The following SIGLEC7 variants were observed in gnomAD, a reference collection of about 807,000 sequenced individuals.
SIGLEC7 encodes sialic acid binding Ig like lectin 7.
A neutral mutation model predicts 40.8 loss-of-function variants in SIGLEC7; 33 were observed. That is an observed-to-expected ratio of 0.81 (90% confidence interval 0.61 to 1.08). SIGLEC7 has a LOEUF of 1.08. Ranked by LOEUF, SIGLEC7 falls within the 50% of genes least tolerant of loss-of-function variation. SIGLEC7 has a pLI of 0.00. For missense variants in SIGLEC7, 513 were observed against 576.1 expected, an observed-to-expected ratio of 0.89 and a Z score of 1.12; for synonymous variants, 242 against 237.6, an observed-to-expected ratio of 1.02 and a Z score of -0.17.
rs765717909 is a variant in SIGLEC7 at position 51,144,676 on chromosome 19, A to T, written c.704A>T (p.Asn235Ile). 1.2e-6 allele frequency: 2 copies of T among 1,613,066 alleles called. No homozygotes were observed. Among genetic ancestry groups the T allele is most frequent in the Non-Finnish European group, 1.7e-6 (2 of 1,179,812 alleles). ...GVTTNRTIQL[N>I]VSYPPQNLTV... The stretch of plus-strand genomic sequence containing the variant: ...ACCACGAACAGGACCATCCAACTCA[A>T]TGTGTCCTGTGAGTGCTGAGCCAGG... The change falls in exon 2 of 7, where the codon AAT (asparagine) becomes ATT (isoleucine). Residue 235 changes from asparagine (N) to isoleucine (I), a missense_variant. Coordinates refer to ENST00000317643, the MANE Select transcript of SIGLEC7 (RefSeq NM_014385.4).
chr19:51,147,004 T>G (rs1468802468), intron 5 of SIGLEC7, 154 bp downstream of exon 5: 1 of 995,746 alleles, frequency 1.0e-6, no homozygotes, highest in Non-Finnish European at 1.5e-6. Context: ...AAGAGCGCCC[T>G]TGTCTGTGGG....
intron 1 of SIGLEC7, chr19:51,144,104 G>T: frequency 1.5e-6 from 1 of 672,892 alleles, no homozygotes; most frequent in Non-Finnish European, 2.8e-6. Flanking sequence ...GAGCATCAGA[G>T]ATGCCAGGAA....
At position 51,146,808 on chromosome 19, in the gene SIGLEC7, C is replaced by A. The variant is rs764828847; in HGVS notation, c.1082C>A (p.Ala361Asp). The change falls in exon 5 of 7, where the codon GCC (alanine) becomes GAC (aspartate). Residue 361 changes from alanine (A) to aspartate (D), a missense_variant. Physicochemically the swap from Ala to Asp is moderately radical, Grantham distance 126. Transcript: ENST00000317643. ...CTGGGGGCGGTCGGGGGAGCTGGAGCCACAGCCCTGGTCTTCCTCTCCTTC... is the reference window on the plus strand; with the variant it reads ...CTGGGGGCGGTCGGGGGAGCTGGAGACACAGCCCTGGTCTTCCTCTCCTTC... ...VLLGAVGGAG[A>D]TALVFLSFCV... 1.4e-5 allele frequency: 23 copies of A among 1,613,950 alleles called. No homozygotes were observed. Among genetic ancestry groups the A allele is most frequent in the Non-Finnish European group, 1.9e-5 (23 of 1,179,968 alleles).
chr19:51,153,071 G>T lies in SIGLEC7; in HGVS notation c.1230G>T (p.Leu410=). ...TCTCTCTCTCCATTCAGGGTAACCT[G>T]ACTGAGTCCTGGGCAGATGATAACC... ...TIRGSASQGN[L]TESWADDNPR... is the part of the protein sequence containing the mutation. The change falls in exon 7 of 7, where the codon CTG becomes CTT. Residue 410 remains leucine (L), a synonymous_variant. Coordinates refer to ENST00000317643, the MANE Select transcript of SIGLEC7 (RefSeq NM_014385.4). 1 of 1,567,634 alleles carries T rather than the reference G, an allele frequency of 6.4e-7. No homozygotes were observed. Among genetic ancestry groups the T allele is most frequent in the South Asian group, 1.2e-5 (1 of 81,594 alleles).
rs2092152707 is a variant in SIGLEC7 at position 51,152,846 on chromosome 19, C to T, written c.1222-217C>T. On this transcript the variant is annotated intron_variant, in intron 6 of 6. Coordinates refer to ENST00000317643, the MANE Select transcript of SIGLEC7 (RefSeq NM_014385.4). Reference sequence around the variant, plus strand: ...GGAAGTTAATAAGATTAATAAACACCAAACAAGTTGCTCAATAAGTGTTAA... The same window carrying T: ...GGAAGTTAATAAGATTAATAAACACTAAACAAGTTGCTCAATAAGTGTTAA... The T allele has an allele frequency of 8.3e-6, 3 of 362,554 alleles. No homozygotes were observed. The South Asian group carries it at 3.0e-4, about 36-fold the overall frequency. 22.5% of individuals were successfully genotyped at this position (362,554 alleles called of 1,614,324 possible).
chr19:51,153,236 C>A lies in SIGLEC7; in HGVS notation c.1395C>A (p.Ile465=), dbSNP rs1020495546. The A allele has an allele frequency of 6.4e-7, 1 of 1,565,668 alleles. No homozygotes were observed. The highest frequency in any genetic ancestry group is 8.7e-7 in the Non-Finnish European group (1 of 1,154,950). Reference sequence around the variant, plus strand: ...ACAATGAGTACTCAGAGATCAAGATCCCCAAGTAAGAAAATGCAGAGGCTC... The same window carrying A: ...ACAATGAGTACTCAGAGATCAAGATACCCAAGTAAGAAAATGCAGAGGCTC... ...ATNNEYSEIK[I]PK The change falls in exon 7 of 7, where the codon ATC becomes ATA. Residue 465 remains isoleucine (I), a synonymous_variant. Coordinates refer to ENST00000317643, the MANE Select transcript of SIGLEC7 (RefSeq NM_014385.4).
chr19:51,148,996 G>C (rs979810573), intron 6 of SIGLEC7, among the ~76,000 whole-genome samples: 3 of 152,108 alleles, frequency 2.0e-5, no homozygotes, highest in Non-Finnish European at 4.4e-5. Flanking sequence ...CATGTCCTTT[G>C]CTCACTTTTT....
rs758775452 is a variant in SIGLEC7 at position 51,144,620 on chromosome 19, C to T, written c.648C>T (p.Thr216=). 17 of 1,614,014 alleles carry T rather than the reference C, an allele frequency of 1.1e-5. No individual in the cohort carries two copies. The South Asian group carries it at 1.8e-4, about 17-fold the overall frequency. ...CCCAGCACCACGGCACCAGCCTCAC[C>T]TGTCAGGTGACCTTGCCTGGGGCCG... ...PQPQHHGTSL[T]CQVTLPGAGV... The change falls in exon 2 of 7, where the codon ACC becomes ACT. Residue 216 remains threonine (T), a synonymous_variant. Transcript: ENST00000317643.
At chr19:51,149,247 A>G (rs1205604581) in intron 6 of SIGLEC7, among the ~76,000 whole-genome samples, 1 of 152,180 alleles carries the variant, frequency 6.6e-6, no homozygotes, top group Non-Finnish European at 1.5e-5. Context: ...ATCCAGAACG[A>G]TATTGCCTAC....
At position 51,144,181 on chromosome 19, in the gene SIGLEC7, G is replaced by A. The variant is rs1308163310; in HGVS notation, c.434-225G>A. On this transcript the variant is annotated intron_variant, in intron 1 of 6. Transcript: ENST00000317643. ...AGATAAGATGGAATTACAAAACGAAGCAGCTCTCTGTGAATGTGACAGATA... is the reference window on the plus strand; with the variant it reads ...AGATAAGATGGAATTACAAAACGAAACAGCTCTCTGTGAATGTGACAGATA... 9 of 756,378 alleles carry A rather than the reference G, an allele frequency of 1.2e-5. No individual in the cohort carries two copies. The Admixed American group carries it at 1.5e-4, about 13-fold the overall frequency. The allele number at this position is 756,378 out of a possible 1,614,324, so 46.9% of individuals were successfully genotyped here. A position where few individuals can be genotyped will look rare whatever the true frequency, so the allele number is the denominator to read the frequency against.
intron 6 of SIGLEC7, among the ~76,000 whole-genome samples, chr19:51,152,309 A>G (rs1002068118): frequency 1.3e-5 from 2 of 152,196 alleles, no homozygotes. Context: ...ATAATCCAGG[A>G]TAACCTCCCC....
At position 51,147,307 on chromosome 19, in the gene SIGLEC7, C is replaced by T. The variant is rs1354137831; in HGVS notation, c.1211C>T (p.Ser404Leu). 1 of 1,609,976 alleles carries T rather than the reference C, an allele frequency of 6.2e-7. No homozygotes were observed. Among genetic ancestry groups the T allele is most frequent in the Non-Finnish European group, 8.5e-7 (1 of 1,177,312 alleles). Residue 404 changes from serine to leucine, a missense_variant, in exon 6 of 7, where the codon TCA (serine) becomes TTA (leucine). By Grantham distance (145) the Ser-to-Leu change is moderately radical (BLOSUM62 -2). Coordinates refer to ENST00000317643, the MANE Select transcript of SIGLEC7 (RefSeq NM_014385.4). ...AAGGATGCAAACACCATCAGGGGCT[C>T]AGCCTCTCAGGTGAGTGATATGGGC... Reference protein sequence around the residue: ...GMKDANTIRGSASQGNLTESW... With the variant: ...GMKDANTIRGLASQGNLTESW...
chr19:51,147,585 G>C (rs865824701), intron 6 of SIGLEC7, among the ~76,000 whole-genome samples: 60 of 152,000 alleles, frequency 3.9e-4, no homozygotes, highest in African/African-American at 1.4e-3. Context: ...ACCAAATCTT[G>C]TCCATTTTTC....
At chr19:51,143,601 T>C (rs2092085237) in intron 1 of SIGLEC7, among the ~76,000 whole-genome samples, 1 of 152,004 alleles carries the variant, frequency 6.6e-6, no homozygotes, top group Non-Finnish European at 1.5e-5. Context: ...TCCTATAGCA[T>C]GTGGGTTTGT....
At position 51,145,143 on chromosome 19, in the gene SIGLEC7, C is replaced by G. The variant is rs2092099379; in HGVS notation, c.760+184C>G. On this transcript the variant is annotated intron_variant, in intron 3 of 6. Transcript: ENST00000317643. The surrounding 1 kb of genome is among the most constrained non-coding windows in gnomAD (Gnocchi z 4.3). ...CACCTGTCCTCTTCCCCCCACTCCC[C>G]TCAGACTCTTGCACACACACCCTCC... Among the ~76,000 whole-genome samples the G allele has an allele frequency of 6.6e-6, 1 of 152,180 alleles. No individual in the cohort carries two copies. The highest frequency in any genetic ancestry group is 1.5e-5 in the Non-Finnish European group (1 of 68,026).
intron 6 of SIGLEC7, 100 bp downstream of exon 6, chr19:51,147,417 C>A: frequency 2.2e-6 from 2 of 915,612 alleles, no homozygotes; most frequent in Non-Finnish European, 3.3e-6. Flanking sequence ...AAATTATCTC[C>A]TCATCTCCTC....
At chr19:51,149,832 T>C (rs2092132895) in intron 6 of SIGLEC7, among the ~76,000 whole-genome samples, 1 of 152,192 alleles carries the variant, frequency 6.6e-6, no homozygotes, top group African/African-American at 2.4e-5. Context: ...TTGAGCAGTG[T>C]TTTGTAATTC....
intron 1 of SIGLEC7, chr19:51,143,780 G>C (rs190744071): frequency 3.8e-5 from 11 of 285,798 alleles, no homozygotes; most frequent in African/African-American, 1.6e-4. Flanking sequence ...GTGGGCAAAT[G>C]AAGAGAGGGA....
chr19:51,144,967 G>A lies in SIGLEC7; in HGVS notation c.760+8G>A, dbSNP rs575518920. On this transcript the variant is annotated splice_region_variant and intron_variant, in intron 3 of 6. Transcript: ENST00000317643. Reference sequence around the variant, plus strand: ...TCCAAGGAGAAGGCACAGGTAGGATGGAGCCCCCTCCCTGGGGCTGGGGGA... The same window carrying A: ...TCCAAGGAGAAGGCACAGGTAGGATAGAGCCCCCTCCCTGGGGCTGGGGGA... 3 of 1,613,920 alleles carry A rather than the reference G, an allele frequency of 1.9e-6. No individual in the cohort carries two copies. In the African/African-American group the frequency reaches 4.0e-5, roughly 22 times the overall value.
Sources: gnomAD v4.1 joint callset for allele counts (sites outside exome capture counted in the v4.1 genomes callset) on GRCh38, gnomAD v4.1.1 for gene constraint, Gnocchi (gnomAD v3.1) non-coding constraint, MANE v1.5 for transcripts, NCBI Gene and HGNC (gene_info 2026-07-23, HGNC 2026-07-21) for gene names.